The following GRIA2 variants were observed in gnomAD, a reference collection of about 807,000 sequenced individuals.
GRIA2 encodes the protein glutamate ionotropic receptor AMPA type subunit 2.
In GRIA2, 14 loss-of-function variants were observed where a neutral mutation model predicts 97.3. The observed-to-expected ratio is 0.14, with a 90% CI of 0.10 to 0.23. The LOEUF is 0.23. GRIA2 is among the 10% of genes least tolerant of loss of function. The pLI is 1.00. For synonymous variants in GRIA2, 412 were observed against 387.8 expected (o/e 1.06, Z -0.73); for missense variants, 558 against 1,069.8 (o/e 0.52, Z 6.67).
intron 10 of GRIA2, 34 bp downstream of exon 10, chr4:157,335,911 C>T: frequency 1.5e-6 from 2 of 1,361,540 alleles, no homozygotes; most frequent in Non-Finnish European, 2.1e-6. Flanking sequence ...TAAAGTCATT[C>T]AATTTGAATT....
chr4:157,360,587 A>C (rs1736592206), intron 13 of GRIA2: 1 of 410,804 alleles, frequency 2.4e-6, no homozygotes, highest in Non-Finnish European at 4.7e-6. Context: ...TTTTCATTTT[A>C]ATTTTTGTTT....
chr4:157,304,330 T>G (rs1733745355), intron 3 of GRIA2, among the ~76,000 whole-genome samples: 1 of 152,186 alleles, frequency 6.6e-6, no homozygotes, highest in Admixed American at 6.5e-5. Context: ...AAACCTATGC[T>G]TTTGACACCA....
At position 157,303,690 on chromosome 4, in the gene GRIA2, C is replaced by A; in HGVS notation, c.368C>A (p.Pro123Gln). Reference protein sequence around the residue: ...TPSFPTDGTHPFVIQMRPDLK... With the variant: ...TPSFPTDGTHQFVIQMRPDLK... ...AGCTTCCCAACAGATGGCACACATC[C>A]ATTTGTCATTCAGATGAGACCCGAC... Residue 123 changes from proline to glutamine, a missense_variant, in exon 3 of 16, where the codon CCA becomes CAA. By Grantham distance (76) the Pro-to-Gln change is moderately conservative (BLOSUM62 -1). Coordinates refer to ENST00000264426, the MANE Select transcript of GRIA2 (RefSeq NM_001083619.3). The A allele has an allele frequency of 1.2e-6, 2 of 1,614,082 alleles. No individual in the cohort carries two copies. The highest frequency in any genetic ancestry group is 1.7e-6 in the Non-Finnish European group (2 of 1,179,984).
At chr4:157,289,455 G>C (rs1410217876) in intron 2 of GRIA2, among the ~76,000 whole-genome samples, 1 of 151,742 alleles carries the variant, frequency 6.6e-6, no homozygotes, top group Non-Finnish European at 1.5e-5. Context: ...CATTAGGCAG[G>C]TTCTTGCTGT....
intron 2 of GRIA2, among the ~76,000 whole-genome samples, chr4:157,227,709 C>A (rs1053751358): frequency 6.6e-6 from 1 of 151,978 alleles, no homozygotes; most frequent in Non-Finnish European, 1.5e-5. Flanking sequence ...ACTGAAGATA[C>A]CCCAGATTTC....
intron 12 of GRIA2, among the ~76,000 whole-genome samples, chr4:157,356,062 T>A (rs189041356): frequency 0.093 from 9,839 of 105,886 alleles, 1,256 homozygotes; most frequent in African/African-American, 0.11. Flanking sequence ...TATATATATT[T>A]ATATATTTAT....
intron 3 of GRIA2, among the ~76,000 whole-genome samples, chr4:157,307,609 T>C (rs1045733600): frequency 6.6e-6 from 1 of 152,220 alleles, no homozygotes; most frequent in African/African-American, 2.4e-5. Context: ...TGTTAATGCA[T>C]TCAACATTAT....
At chr4:157,291,355 A>G (rs1260674975) in intron 2 of GRIA2, among the ~76,000 whole-genome samples, 6 of 151,970 alleles carry the variant, frequency 3.9e-5, no homozygotes, top group Non-Finnish European at 2.9e-5. Flanking sequence ...CTATGGTGGT[A>G]TATTCAGAAT....
intron 5 of GRIA2, among the ~76,000 whole-genome samples, chr4:157,320,122 A>T (rs1734495804): frequency 6.6e-6 from 1 of 152,130 alleles, no homozygotes; most frequent in Non-Finnish European, 1.5e-5. Context: ...AAAAATGGGG[A>T]TAAGCATATA....
chr4:157,299,041 C>T (rs967769106), intron 2 of GRIA2, among the ~76,000 whole-genome samples: 7 of 151,672 alleles, frequency 4.6e-5, no homozygotes, highest in Non-Finnish European at 7.4e-5. Flanking sequence ...ATAATTAGAG[C>T]GACAGGAAAA....
chr4:157,258,037 C>G (rs1367553657), intron 2 of GRIA2, among the ~76,000 whole-genome samples: 1 of 152,058 alleles, frequency 6.6e-6, no homozygotes, highest in Non-Finnish European at 1.5e-5. Flanking sequence ...CCTGTCTTTA[C>G]TTTAATCTCT....
chr4:157,298,755 C>T (rs982817560), intron 2 of GRIA2, among the ~76,000 whole-genome samples: 19 of 150,836 alleles, frequency 1.3e-4, no homozygotes, highest in African/African-American at 4.4e-4. Flanking sequence ...TCACAATACT[C>T]ATCCTCTTTG....
At chr4:157,352,462 A>C (rs1243645185) in intron 12 of GRIA2, among the ~76,000 whole-genome samples, 1 of 152,154 alleles carries the variant, frequency 6.6e-6, no homozygotes, top group Non-Finnish European at 1.5e-5. Context: ...TCATGCCTGT[A>C]ATCTCAGCAC....
At chr4:157,237,177 A>G (rs1409130492) in intron 2 of GRIA2, among the ~76,000 whole-genome samples, 4 of 151,902 alleles carry the variant, frequency 2.6e-5, no homozygotes, top group Non-Finnish European at 4.4e-5. Flanking sequence ...ATCTGGCTTT[A>G]TGTGATTAAC....
intron 6 of GRIA2, among the ~76,000 whole-genome samples, chr4:157,332,520 C>A (rs1361201060): frequency 9.2e-6 from 1 of 108,508 alleles, no homozygotes; most frequent in Non-Finnish European, 2.0e-5. Flanking sequence ...TAACAAGAAG[C>A]AGGTTAGAAA....
intron 2 of GRIA2, among the ~76,000 whole-genome samples, chr4:157,248,582 C>CGTGTATATATATATACGT (rs1730853082): frequency 1.2e-5 from 1 of 82,886 alleles, no homozygotes; most frequent in African/African-American, 4.8e-5. Context: ...TATATATATA[C>CGTGTATATATATATACGT]GTGTATATAT....
chr4:157,223,674 T>C (rs949481018), intron 2 of GRIA2, among the ~76,000 whole-genome samples: 48 of 152,234 alleles, frequency 3.2e-4, no homozygotes, highest in African/African-American at 9.9e-4. Flanking sequence ...TGAAAAGTAA[T>C]GACTCCTAAG....
chr4:157,294,045 C>G (rs369705197), intron 2 of GRIA2, among the ~76,000 whole-genome samples: 4 of 152,092 alleles, frequency 2.6e-5, no homozygotes, highest in African/African-American at 9.7e-5. Context: ...TACTATGGCA[C>G]ATGCGCAGGA....
chr4:157,254,956 G>A (rs1024842599), intron 2 of GRIA2, among the ~76,000 whole-genome samples: 1 of 151,922 alleles, frequency 6.6e-6, no homozygotes, highest in East Asian at 1.9e-4. Flanking sequence ...AATTTAAGGG[G>A]CACAAGTGCA....
Sources: gnomAD v4.1 joint callset for allele counts (sites outside exome capture counted in the v4.1 genomes callset) on GRCh38, gnomAD v4.1.1 for gene constraint, MANE v1.5 for transcripts, NCBI Gene and HGNC (gene_info 2026-07-23, HGNC 2026-07-21) for gene names.